AGBL4: variants seen among roughly 807,000 people sequenced by gnomAD.
AGBL4 encodes the protein AGBL carboxypeptidase 4, also known as cytosolic carboxypeptidase 6.
Under a neutral mutation model 66.4 loss-of-function variants are expected in AGBL4, and 58 were observed. The observed-to-expected ratio is 0.87, with a 90% confidence interval of 0.71 to 1.09. The LOEUF (loss-of-function observed/expected upper bound fraction) is 1.09. AGBL4 is among the 50% of genes least tolerant of loss of function. The probability of loss-of-function intolerance (pLI) is 0.00; values close to 1 mark genes in which losing one functional copy is unlikely to be tolerated. For synonymous variants in AGBL4, 234 were observed against 222.9 expected (o/e 1.05, Z -0.44); for missense variants, 579 against 631.0 (o/e 0.92, Z 0.88).
At chr1:48,813,341 A>G (rs922058080) in intron 6 of AGBL4, among the ~76,000 whole-genome samples, 2 of 152,186 alleles carry the variant, frequency 1.3e-5, no homozygotes, top group Admixed American at 1.3e-4. Flanking sequence ...TTGTGAGATG[A>G]ACTGGCAGAA....
At chr1:49,593,935 A>G (rs543089793) in intron 3 of AGBL4, among the ~76,000 whole-genome samples, 15 of 152,304 alleles carry the variant, frequency 9.8e-5, no homozygotes, top group African/African-American at 3.4e-4. Flanking sequence ...ATAAATGCAC[A>G]TACTTGTATA....
chr1:49,654,494 T>A (rs1219659895), intron 3 of AGBL4, among the ~76,000 whole-genome samples: 2 of 152,208 alleles, frequency 1.3e-5, no homozygotes, highest in African/African-American at 4.8e-5. Context: ...GCTTTCTGTC[T>A]CGTTGATCTG....
intron 1 of AGBL4, among the ~76,000 whole-genome samples, chr1:49,937,951 C>T (rs1654278557): frequency 1.3e-5 from 2 of 151,914 alleles, no homozygotes; most frequent in Admixed American, 1.3e-4. Context: ...AAAGCAAGAG[C>T]AAACACATTC....
intron 1 of AGBL4, among the ~76,000 whole-genome samples, chr1:49,880,933 C>A (rs1336354157): frequency 1.3e-4 from 20 of 152,212 alleles, no homozygotes; most frequent in Admixed American, 1.0e-3. Flanking sequence ...CCAGGTGCGT[C>A]CGTCACCCCT....
At chr1:49,447,621 A>T (rs1646188776) in intron 3 of AGBL4, among the ~76,000 whole-genome samples, 1 of 152,142 alleles carries the variant, frequency 6.6e-6, no homozygotes, top group Non-Finnish European at 1.5e-5. Context: ...GGAGTCTCCA[A>T]ATTACCACCC....
chr1:48,769,398 C>A (rs1003277805), intron 6 of AGBL4, among the ~76,000 whole-genome samples: 14 of 152,106 alleles, frequency 9.2e-5, no homozygotes, highest in African/African-American at 3.4e-4. Context: ...TAGCTGCCTC[C>A]ATGTGCCTCA....
intron 3 of AGBL4, chr1:49,257,582 TTGACCAGGAAAGGG>T (rs917854356): frequency 6.5e-6 from 1 of 152,820 alleles, no homozygotes; most frequent in African/African-American, 2.4e-5. Context: ...ACCCCTTTCC[TTGACCAGGAAAGGG>T]AACTCCCTGA....
In AGBL4 at chr1:48,677,016, G is replaced by C. The variant is rs188813821; in HGVS notation, c.635-13775C>G. Among the ~76,000 whole-genome samples, 245 of 152,332 alleles carry C rather than the reference G, an allele frequency of 1.6e-3. 6 individuals are homozygous for C. In the East Asian group the frequency reaches 0.04, roughly 25 times the overall value. On this transcript the variant is annotated intron_variant, in intron 6 of 13. Coordinates refer to ENST00000371839, the MANE Select transcript of AGBL4 (RefSeq NM_032785.4). ...GTCTCGGTTTCACCATCTGTCATAA[G>C]AAGGGGCGGAGCTAGGTGGTCTCTC...
intron 2 of AGBL4, among the ~76,000 whole-genome samples, chr1:49,780,622 T>G (rs910259362): frequency 1.3e-5 from 2 of 152,106 alleles, no homozygotes; most frequent in African/African-American, 4.8e-5. Flanking sequence ...GCTCTACAGG[T>G]ATAAATTTTC....
At chr1:48,645,238 G>GTAAGGGTAAGGGTC (rs1553200173) in intron 8 of AGBL4, among the ~76,000 whole-genome samples, 2 of 152,172 alleles carry the variant, frequency 1.3e-5, no homozygotes, top group African/African-American at 2.4e-5. Flanking sequence ...GCAGGAGAGA[G>GTAAGGGTAAGGGTC]TCCCTGGGAG....
chr1:49,424,144 AACC>A (rs1645607162), intron 3 of AGBL4, among the ~76,000 whole-genome samples: 1 of 152,174 alleles, frequency 6.6e-6, no homozygotes, highest in Non-Finnish European at 1.5e-5. Context: ...ACACTAAGAG[AACC>A]AAGATCTATG....
At chr1:49,998,135 A>G (rs1371530199) in intron 1 of AGBL4, among the ~76,000 whole-genome samples, 2 of 152,120 alleles carry the variant, frequency 1.3e-5, no homozygotes, top group Non-Finnish European at 2.9e-5. Context: ...AAAAAAACAG[A>G]TAAGTGAAAC....
intron 11 of AGBL4, among the ~76,000 whole-genome samples, chr1:48,567,944 G>A (rs1018692934): frequency 9.9e-5 from 15 of 152,178 alleles, no homozygotes; most frequent in African/African-American, 3.4e-4. Context: ...AGGGATGAGG[G>A]ACCTGTACGT....
chr1:49,173,061 G>A (rs1014802839), intron 4 of AGBL4, among the ~76,000 whole-genome samples: 23 of 152,228 alleles, frequency 1.5e-4, no homozygotes, highest in South Asian at 8.3e-4. Context: ...AGAGGTTGTG[G>A]TGAGCTGAGA....
intron 3 of AGBL4, among the ~76,000 whole-genome samples, chr1:49,262,486 G>T (rs1653291604): frequency 6.6e-6 from 1 of 152,140 alleles, no homozygotes; most frequent in Admixed American, 6.5e-5. Flanking sequence ...CCATCAAAAA[G>T]TGGGCAAAGT....
chr1:48,840,216 A>G (rs780659082), intron 6 of AGBL4, among the ~76,000 whole-genome samples: 8 of 152,086 alleles, frequency 5.3e-5, no homozygotes, highest in Non-Finnish European at 8.8e-5. Flanking sequence ...CCTGGCTTAA[A>G]TCTCTTTTAC....
At chr1:48,778,942 G>T (rs1474943967) in intron 6 of AGBL4, among the ~76,000 whole-genome samples, 1 of 152,194 alleles carries the variant, frequency 6.6e-6, no homozygotes, top group Non-Finnish European at 1.5e-5. Flanking sequence ...TCCTGATGCA[G>T]CTGTTGGTCT....
intron 4 of AGBL4, among the ~76,000 whole-genome samples, chr1:49,236,111 C>A (rs936094574): frequency 6.6e-6 from 1 of 152,024 alleles, no homozygotes; most frequent in Non-Finnish European, 1.5e-5. Context: ...CTTACTGCAA[C>A]CTCCTCCTCC....
chr1:49,401,072 G>A (rs754804427), intron 3 of AGBL4, among the ~76,000 whole-genome samples: 4 of 152,034 alleles, frequency 2.6e-5, no homozygotes, highest in Non-Finnish European at 4.4e-5. Context: ...GTCCATCCTC[G>A]CATTGCTATG....
Sources: gnomAD v4.1 joint callset for allele counts (sites outside exome capture counted in the v4.1 genomes callset) on GRCh38, gnomAD v4.1.1 for gene constraint, MANE v1.5 for transcripts, NCBI Gene and HGNC (gene_info 2026-07-23, HGNC 2026-07-21) for gene names.